The following DPH5 variants were observed in gnomAD, a reference collection of about 807,000 sequenced individuals.
DPH5 encodes diphthamide biosynthesis 5.
A neutral mutation model predicts 31.6 loss-of-function variants in DPH5; 31 were observed. The ratio of observed to expected loss-of-function variants is 0.98; its 90% CI spans 0.74 to 1.32. The LOEUF (loss-of-function observed/expected upper bound fraction) is 1.32. Ranked by LOEUF, DPH5 falls within the 40% of genes most tolerant of loss-of-function variation. The pLI is 0.00. For missense variants in DPH5, 309 were observed against 335.7 expected, an observed-to-expected ratio of 0.92 and a Z score of 0.62; for synonymous variants, 120 against 115.0, an observed-to-expected ratio of 1.04 and a Z score of -0.28.
intron 4 of DPH5, among the ~76,000 whole-genome samples, chr1:101,010,436 A>T (rs1463727104): frequency 6.6e-6 from 1 of 152,212 alleles, no homozygotes; most frequent in East Asian, 1.9e-4. Context: ...TGATAAACAA[A>T]AATTTTCTGT....
chr1:100,992,502 C>A, intron 7 of DPH5, 135 bp downstream of exon 7: 1 of 576,314 alleles, frequency 1.7e-6, no homozygotes, highest in South Asian at 5.4e-5. Context: ...TAAAGTTGGA[C>A]AAAAATGACA....
Position 100,990,637 on chromosome 1 carries a change from A to T in DPH5, c.635-6T>A, listed in dbSNP as rs754147634. ...AAGTGTCTCCTCGGTAACTGCTATT[A>T]AAAAAAAAAGATACTGCTATTCAAT... On this transcript the variant is annotated splice_region_variant and splice_polypyrimidine_tract_variant and intron_variant, in intron 7 of 7. Transcript: ENST00000370109. 22 of 1,380,532 alleles carry T rather than the reference A, an allele frequency of 1.6e-5. No homozygotes were observed. Among genetic ancestry groups the T allele is most frequent in the South Asian group, 1.3e-5 (1 of 76,190 alleles). The allele number at this position is 1,380,532 out of a possible 1,614,324, so 85.5% of individuals were successfully genotyped here.
rs1657542766 is a variant in DPH5 at position 100,990,245 on chromosome 1, A to G, written c.*163T>C. 4 of 640,404 alleles carry G rather than the reference A, an allele frequency of 6.2e-6. No individual in the cohort carries two copies. In the South Asian group the frequency reaches 7.6e-5, roughly 12 times the overall value. The allele number at this position is 640,404 out of a possible 1,614,324, so 39.7% of individuals were successfully genotyped here. On this transcript the variant is annotated 3_prime_UTR_variant, in exon 8 of 8. Coordinates refer to ENST00000370109, the MANE Select transcript of DPH5 (RefSeq NM_015958.3). Reference sequence around the variant, plus strand: ...GATCTCATGAAAGCTCACTATCATGAGAATAGCATGAGGGAAACTGCCCCC... The same window carrying G: ...GATCTCATGAAAGCTCACTATCATGGGAATAGCATGAGGGAAACTGCCCCC...
At chr1:100,992,536 C>T (rs1657852933) in intron 7 of DPH5, 101 bp downstream of exon 7, 1 of 753,086 alleles carries the variant, frequency 1.3e-6, no homozygotes, top group South Asian at 2.7e-5. Context: ...TACAAAAATA[C>T]TGACTCTTGC....
At chr1:101,021,847 CACACACA>C in intron 2 of DPH5, 82 bp from the exon 3 acceptor site, 1 of 1,322,904 alleles carries the variant, frequency 7.6e-7, no homozygotes, top group Non-Finnish European at 1.0e-6. Flanking sequence ...CACACACACA[CACACACA>C]CACACTCTTT....
rs1223334321 is a variant in DPH5, at chr1:100,990,142, G to T, written c.*266C>A. The T allele has an allele frequency of 4.6e-6, 2 of 436,362 alleles. No homozygotes were observed. Among genetic ancestry groups the T allele is most frequent in the Non-Finnish European group, 8.3e-6 (2 of 240,408 alleles). The allele number at this position is 436,362 out of a possible 1,614,324, so 27.0% of individuals were successfully genotyped here. On this transcript the variant is annotated 3_prime_UTR_variant, in exon 8 of 8. Transcript: ENST00000370109. ...CTCAGGAAACTTAACAATCACGGTG[G>T]AAGGCACCTCTTCACAGGGCGGCAA...
At chr1:100,999,423 C>G (rs952134865) in intron 5 of DPH5, among the ~76,000 whole-genome samples, 1 of 152,158 alleles carries the variant, frequency 6.6e-6, no homozygotes, top group Non-Finnish European at 1.5e-5. Flanking sequence ...GCACTCCAGC[C>G]TGGGAGACAG....
intron 5 of DPH5, among the ~76,000 whole-genome samples, chr1:100,996,775 C>G (rs1426526721): frequency 6.6e-6 from 1 of 152,190 alleles, no homozygotes; most frequent in Non-Finnish European, 1.5e-5. Context: ...TTATTAACCT[C>G]TAATTATATC....
intron 2 of DPH5, chr1:101,023,325 T>C (rs763688724): frequency 6.6e-6 from 1 of 152,244 alleles, no homozygotes; most frequent in Non-Finnish European, 1.5e-5. Flanking sequence ...TTAACTTCTC[T>C]ATCCCTGCAA....
At chr1:101,005,805 T>C (rs1311138371) in intron 4 of DPH5, among the ~76,000 whole-genome samples, 1 of 152,132 alleles carries the variant, frequency 6.6e-6, no homozygotes, top group Non-Finnish European at 1.5e-5. Context: ...GTTTATAATA[T>C]GATAAAGTCA....
chr1:100,996,270 TATTA>T (rs778993664), intron 5 of DPH5: 2 of 152,102 alleles, frequency 1.3e-5, no homozygotes, highest in African/African-American at 4.8e-5. Flanking sequence ...TTAACCCGTT[TATTA>T]ATTCATTCAC....
At chr1:101,019,994 T>C (rs77629666) in intron 3 of DPH5, among the ~76,000 whole-genome samples, 3,885 of 152,246 alleles carry the variant, frequency 0.026, 164 homozygotes, top group African/African-American at 0.086. Context: ...AAAACACTTA[T>C]GAAATGGAAA....
chr1:101,007,148 CAAGTA>C (rs2101211537), intron 4 of DPH5, among the ~76,000 whole-genome samples: 1 of 152,142 alleles, frequency 6.6e-6, no homozygotes, highest in Non-Finnish European at 1.5e-5. Context: ...CCTATAAGAT[CAAGTA>C]AATATACACA....
intron 3 of DPH5, among the ~76,000 whole-genome samples, chr1:101,016,993 G>A (rs1009701027): frequency 1.3e-5 from 2 of 152,144 alleles, no homozygotes; most frequent in Non-Finnish European, 2.9e-5. Context: ...ATATGCGCTT[G>A]GTTTGTGGCA....
chr1:101,001,473 A>G lies in DPH5; in HGVS notation c.484T>C (p.Leu162=). The G allele has an allele frequency of 6.2e-7, 1 of 1,612,704 alleles. No homozygotes were observed. The highest frequency in any genetic ancestry group is 8.5e-7 in the Non-Finnish European group (1 of 1,179,494). The change falls in exon 5 of 8, where the codon TTA becomes CTA. Residue 162 remains leucine (L), a synonymous_variant. Coordinates refer to ENST00000370109, the MANE Select transcript of DPH5 (RefSeq NM_015958.3). ...NRQNGMHTLC[L]LDIKVKEQSL... ...GAAATTCCAAAACCCTTACCTAGTA[A>G]ACATAATGTGTGCATGCCATTTTGT...
At chr1:101,019,849 C>T (rs890831825) in intron 3 of DPH5, among the ~76,000 whole-genome samples, 34 of 151,204 alleles carry the variant, frequency 2.2e-4, no homozygotes, top group African/African-American at 7.5e-4. Context: ...AAAGGCACTC[C>T]GGAATAAAAC....
At chr1:101,005,244 G>T (rs1490101161) in intron 4 of DPH5, among the ~76,000 whole-genome samples, 3 of 152,124 alleles carry the variant, frequency 2.0e-5, no homozygotes, top group Non-Finnish European at 4.4e-5. Context: ...AATTAAACTT[G>T]CTAAGAACTC....
intron 4 of DPH5, among the ~76,000 whole-genome samples, chr1:101,005,771 A>T (rs893769860): frequency 2.6e-5 from 4 of 152,248 alleles, no homozygotes; most frequent in Admixed American, 2.6e-4. Flanking sequence ...GCAATGGCAG[A>T]TAGGAAAATG....
At chr1:101,016,762 T>C (rs751978113) in intron 3 of DPH5, among the ~76,000 whole-genome samples, 3 of 152,198 alleles carry the variant, frequency 2.0e-5, no homozygotes, top group African/African-American at 4.8e-5. Context: ...GCTTTCTATA[T>C]GCCTTCCTCA....
Sources: allele counts gnomAD v4.1 joint callset (sites outside exome capture counted in the v4.1 genomes callset), GRCh38; gene constraint gnomAD v4.1.1; transcripts MANE v1.5; gene names NCBI Gene and HGNC (gene_info 2026-07-23, HGNC 2026-07-21).